The following RNF169 variants were observed in gnomAD, a reference collection of about 807,000 sequenced individuals.
RNF169 encodes the protein E3 ubiquitin-protein ligase RNF169.
A neutral mutation model predicts 53.9 loss-of-function variants in RNF169; 24 were observed. The ratio of observed to expected loss-of-function variants is 0.45; its 90% CI spans 0.32 to 0.63. The LOEUF (loss-of-function observed/expected upper bound fraction) is 0.63, where lower values mean the gene tolerates loss of function less well. Among genes scored for constraint, RNF169 ranks in the 20% least tolerant of loss-of-function variants. RNF169 has a pLI of 0.04. For synonymous variants in RNF169, 396 were observed against 363.5 expected, an observed-to-expected ratio of 1.09 and a Z score of -1.02; for missense variants, 883 against 906.2, an observed-to-expected ratio of 0.97 and a Z score of 0.33.
At chr11:74,762,092 G>A (rs540415732) in intron 1 of RNF169, among the ~76,000 whole-genome samples, 1 of 144,448 alleles carries the variant, frequency 6.9e-6, no homozygotes, top group Non-Finnish European at 1.5e-5. Flanking sequence ...CCAGTTGATC[G>A]CATCGGCTCC....
At chr11:74,808,113 A>C (rs79331283) in intron 2 of RNF169, 1,772 of 152,246 alleles carry the variant, frequency 0.012, 48 homozygotes, top group African/African-American at 0.041. Flanking sequence ...CTCCTGTGAT[A>C]ACAGCACTTT....
At chr11:74,802,930 G>T (rs573431375) in intron 2 of RNF169, among the ~76,000 whole-genome samples, 3 of 151,402 alleles carry the variant, frequency 2.0e-5, no homozygotes, top group Non-Finnish European at 3.0e-5. Context: ...TTTTTTTTGG[G>T]GGGGGGTGGG....
At position 74,766,095 on chromosome 11, in the gene RNF169, C is replaced by G. The variant is rs1411823060; in HGVS notation, c.502+16713C>G. ...AGATATAATGAAGATTTAAAAAAAC[C>G]TATAAATATAGAATATGGAAAACTT... On this transcript the variant is annotated intron_variant, in intron 1 of 5. Transcript: ENST00000299563. Among the ~76,000 whole-genome samples the G allele has an allele frequency of 2.6e-5, 4 of 151,726 alleles. No individual in the cohort carries two copies. The East Asian group carries it at 7.7e-4, about 29-fold the overall frequency.
intron 1 of RNF169, among the ~76,000 whole-genome samples, chr11:74,761,980 T>C (rs2135313090): frequency 1.4e-5 from 2 of 147,022 alleles, no homozygotes; most frequent in South Asian, 4.5e-4. Context: ...TAGTCCCATA[T>C]TTCTTGGAGG....
intron 4 of RNF169, among the ~76,000 whole-genome samples, chr11:74,833,102 A>C (rs1156753749): frequency 6.6e-6 from 1 of 152,158 alleles, no homozygotes. Flanking sequence ...TATTAACACT[A>C]TGTGGCCATA....
chr11:74,832,290 A>ATTTTTTTTTTTT (rs745391275), intron 4 of RNF169: 2 of 142,754 alleles, frequency 1.4e-5, no homozygotes. Context: ...GATTGTCAGA[A>ATTTTTTTTTTTT]TTTTTTTTTT....
intron 2 of RNF169, 150 bp downstream of exon 2, chr11:74,789,849 A>G (rs2135082358): frequency 4.2e-6 from 2 of 471,266 alleles, no homozygotes; most frequent in Non-Finnish European, 7.6e-6. Flanking sequence ...TTAGATTTGG[A>G]GCTATAATGG....
chr11:74,775,676 C>T (rs1282776139), intron 1 of RNF169, among the ~76,000 whole-genome samples: 1 of 152,170 alleles, frequency 6.6e-6, no homozygotes, highest in Non-Finnish European at 1.5e-5. Flanking sequence ...CAAATTTATA[C>T]TCATCCTTCA....
At chr11:74,759,247 G>A (rs11559630) in intron 1 of RNF169, among the ~76,000 whole-genome samples, 23,398 of 126,860 alleles carry the variant, frequency 0.18, 1,586 homozygotes, top group East Asian at 0.41. Context: ...CAATCATGTC[G>A]TCTGCAAACA....
chr11:74,825,716 A>G (rs899569335), intron 4 of RNF169, among the ~76,000 whole-genome samples: 4 of 152,240 alleles, frequency 2.6e-5, no homozygotes, highest in Admixed American at 6.5e-5. Flanking sequence ...CTTCAGGCCA[A>G]TATCCTTGAT....
At chr11:74,811,532 C>T (rs1436184624) in intron 3 of RNF169, among the ~76,000 whole-genome samples, 1 of 152,116 alleles carries the variant, frequency 6.6e-6, no homozygotes, top group East Asian at 1.9e-4. Flanking sequence ...CCTGCCCGGC[C>T]TTGGTTTTAT....
At chr11:74,797,662 G>A (rs1383576949) in intron 2 of RNF169, among the ~76,000 whole-genome samples, 1 of 152,096 alleles carries the variant, frequency 6.6e-6, no homozygotes, top group East Asian at 1.9e-4. Flanking sequence ...TATATGGCTG[G>A]TTCATGATAC....
At chr11:74,791,375 G>A (rs770625047) in intron 2 of RNF169, among the ~76,000 whole-genome samples, 1 of 149,784 alleles carries the variant, frequency 6.7e-6, no homozygotes, top group Middle Eastern at 3.2e-3. Flanking sequence ...CAGCTTGAAG[G>A]TGGATCTGCC....
At chr11:74,765,888 T>C (rs2035166924) in intron 1 of RNF169, among the ~76,000 whole-genome samples, 1 of 148,614 alleles carries the variant, frequency 6.7e-6, no homozygotes, top group Non-Finnish European at 1.5e-5. Context: ...TAACAGCAGA[T>C]TAACCCCAAA....
chr11:74,764,401 C>T (rs540687572), intron 1 of RNF169, among the ~76,000 whole-genome samples: 8 of 152,248 alleles, frequency 5.3e-5, no homozygotes, highest in African/African-American at 1.4e-4. Context: ...GGTGTGGTGG[C>T]GCATGCCTGT....
At chr11:74,764,803 C>T (rs113783107) in intron 1 of RNF169, among the ~76,000 whole-genome samples, 80 of 152,116 alleles carry the variant, frequency 5.3e-4, no homozygotes, top group African/African-American at 1.8e-3. Flanking sequence ...AAAATGTAAG[C>T]GGGGAGAAAA....
chr11:74,775,114 A>G (rs1487749900), intron 1 of RNF169, among the ~76,000 whole-genome samples: 1 of 152,250 alleles, frequency 6.6e-6, no homozygotes, highest in African/African-American at 2.4e-5. Flanking sequence ...TCTTTTCAAG[A>G]TAGATGATAT....
chr11:74,815,331 A>G (rs944761519), intron 3 of RNF169, among the ~76,000 whole-genome samples: 1 of 152,078 alleles, frequency 6.6e-6, no homozygotes, highest in African/African-American at 2.4e-5. Context: ...CGAGGCGGGC[A>G]GATCACTTGA....
intron 1 of RNF169, among the ~76,000 whole-genome samples, chr11:74,758,558 G>A (rs2135307865): frequency 6.6e-6 from 1 of 151,630 alleles, no homozygotes; most frequent in South Asian, 2.1e-4. Flanking sequence ...CTGGAGTGCA[G>A]TGGCGGGATC....
Sources: gnomAD v4.1 joint callset for allele counts (sites outside exome capture counted in the v4.1 genomes callset) on GRCh38, gnomAD v4.1.1 for gene constraint, MANE v1.5 for transcripts, NCBI Gene and HGNC (gene_info 2026-07-23, HGNC 2026-07-21) for gene names.